The following TWIST2 variants were observed in gnomAD, a reference collection of about 807,000 sequenced individuals.
TWIST2 encodes the protein twist-related protein 2.
TWIST2 carries 1 observed loss-of-function variant against 11.6 expected under a neutral mutation model. The ratio of observed to expected loss-of-function variants is 0.09; its 90% CI spans 0.03 to 0.41. The LOEUF (loss-of-function observed/expected upper bound fraction) is 0.41, where lower values mean the gene tolerates loss of function less well. Among genes scored for constraint, TWIST2 ranks in the 10% least tolerant of loss-of-function variants. TWIST2 has a pLI of 0.98. For synonymous variants in TWIST2, 87 were observed against 96.6 expected (o/e 0.90, Z 0.58); for missense variants, 168 against 226.4 (o/e 0.74, Z 1.66).
intron 1 of TWIST2, among the ~76,000 whole-genome samples, chr2:238,869,221 C>A (rs537415897): frequency 6.6e-6 from 1 of 152,326 alleles, no homozygotes; most frequent in South Asian, 2.1e-4. Context: ...AGGGATTTCA[C>A]AAGCGGTGCT....
chr2:238,859,769 C>A (rs931334676), intron 1 of TWIST2, among the ~76,000 whole-genome samples: 4 of 152,126 alleles, frequency 2.6e-5, no homozygotes, highest in Non-Finnish European at 5.9e-5. Context: ...ACATCTAGTT[C>A]CTAATGTGTT....
At chr2:238,890,738 TCTTTA>T (rs1407771015) in intron 1 of TWIST2, among the ~76,000 whole-genome samples, 2 of 152,198 alleles carry the variant, frequency 1.3e-5, no homozygotes, top group African/African-American at 2.4e-5. Context: ...TTTCTGTATC[TCTTTA>T]CTTGACCCTT....
intron 1 of TWIST2, among the ~76,000 whole-genome samples, chr2:238,870,116 TAC>T (rs1229604415): frequency 3.3e-5 from 1 of 30,464 alleles, no homozygotes; most frequent in African/African-American, 1.6e-4. Flanking sequence ...AGACACACCA[TAC>T]ACCCCCCACA....
chr2:238,910,063 G>C lies in TWIST2; in HGVS notation c.*257G>C, dbSNP rs1275843885. 1 of 152,112 alleles carries C rather than the reference G, an allele frequency of 6.6e-6. No individual in the cohort carries two copies. Among genetic ancestry groups the C allele is most frequent in the Non-Finnish European group, 1.5e-5 (1 of 68,036 alleles). The allele number at this position is 152,112 out of a possible 1,614,324, so 9.4% of individuals were successfully genotyped here. Reference sequence around the variant, plus strand: ...GCCCTCTTGCTGGTGACATTGTCATGGTCATCTTGTTTCTGTTTGGATTTT... The same window carrying C: ...GCCCTCTTGCTGGTGACATTGTCATCGTCATCTTGTTTCTGTTTGGATTTT... On this transcript the variant is annotated 3_prime_UTR_variant, in exon 2 of 2. Transcript: ENST00000612363.
intron 1 of TWIST2, among the ~76,000 whole-genome samples, chr2:238,849,902 C>A (rs1400499501): frequency 6.6e-6 from 1 of 152,226 alleles, no homozygotes; most frequent in African/African-American, 2.4e-5. Flanking sequence ...AAAAATCCTT[C>A]CCCCTTAGTA....
intron 1 of TWIST2, among the ~76,000 whole-genome samples, chr2:238,903,171 T>G (rs1693298962): frequency 7.6e-6 from 1 of 131,588 alleles, no homozygotes; most frequent in Non-Finnish European, 1.6e-5. Context: ...AGGTGTGGGA[T>G]GTAGTTGTGT....
chr2:238,870,262 G>A (rs1196977440), intron 1 of TWIST2, among the ~76,000 whole-genome samples: 1 of 62 alleles, frequency 0.016, no homozygotes, highest in Admixed American at 0.071. Context: ...CCACACACAA[G>A]CCACACACCC....
chr2:238,870,408 ATAC>A (rs1692647546), intron 1 of TWIST2, among the ~76,000 whole-genome samples: 1 of 81,598 alleles, frequency 1.2e-5, no homozygotes. Context: ...CACACATCAC[ATAC>A]CACACACAAA....
At chr2:238,899,522 G>A (rs967738834) in intron 1 of TWIST2, among the ~76,000 whole-genome samples, 50 of 152,316 alleles carry the variant, frequency 3.3e-4, no homozygotes, top group African/African-American at 1.1e-3. Context: ...CTGCGCCACA[G>A]AGAGAGGCAG....
chr2:238,875,124 A>T (rs1241928305), intron 1 of TWIST2, among the ~76,000 whole-genome samples: 2 of 152,132 alleles, frequency 1.3e-5, no homozygotes, highest in Non-Finnish European at 2.9e-5. Flanking sequence ...AAATACATTC[A>T]TTCATTAGCT....
intron 1 of TWIST2, among the ~76,000 whole-genome samples, chr2:238,900,614 C>G (rs1693257314): frequency 1.3e-5 from 2 of 152,206 alleles, no homozygotes; most frequent in African/African-American, 4.8e-5. Context: ...TGCATTGCTT[C>G]TCTCGCTCTC....
intron 1 of TWIST2, among the ~76,000 whole-genome samples, chr2:238,858,517 T>C (rs932826793): frequency 6.6e-6 from 1 of 152,176 alleles, no homozygotes; most frequent in African/African-American, 2.4e-5. Flanking sequence ...GTCTTGTGTC[T>C]GGGGGATCCA....
At chr2:238,851,967 C>T (rs1692249166) in intron 1 of TWIST2, among the ~76,000 whole-genome samples, 1 of 152,124 alleles carries the variant, frequency 6.6e-6, no homozygotes, top group Non-Finnish European at 1.5e-5. Flanking sequence ...ATTCCTCAGA[C>T]TTCAGTGGCT....
intron 1 of TWIST2, among the ~76,000 whole-genome samples, chr2:238,850,005 TATTCTCCCAAA>T (rs1692217546): frequency 6.6e-6 from 1 of 152,346 alleles, no homozygotes; most frequent in Admixed American, 6.5e-5. Context: ...CCCGGCCGCC[TATTCTCCCAAA>T]CATATCTATT....
Position 238,863,810 on chromosome 2 carries a change from C to G in TWIST2, c.*35+15077C>G, listed in dbSNP as rs556892659. Among the ~76,000 whole-genome samples the G allele has an allele frequency of 1.3e-5, 2 of 152,100 alleles. No homozygotes were observed. Among genetic ancestry groups the G allele is most frequent in the Non-Finnish European group, 2.9e-5 (2 of 68,018 alleles). ...CGTTTTATTCACTTTTTACCAGGAT[C>G]AAAAATGAAAACCACGTGTCCCCCT... is the stretch of plus-strand genomic sequence containing the variant. On this transcript the variant is annotated intron_variant, in intron 1 of 1. Transcript: ENST00000612363. This position sits in a 1 kb window ranked among gnomAD's most constrained non-coding sequence, Gnocchi z 4.7.
chr2:238,890,041 C>T (rs1049939707), intron 1 of TWIST2, among the ~76,000 whole-genome samples: 4 of 152,202 alleles, frequency 2.6e-5, no homozygotes, highest in Admixed American at 6.5e-5. Context: ...GGGGAGCCTG[C>T]TCCCAGGGCT....
At chr2:238,856,898 G>A (rs1263341536) in intron 1 of TWIST2, among the ~76,000 whole-genome samples, 1 of 152,188 alleles carries the variant, frequency 6.6e-6, no homozygotes, top group East Asian at 1.9e-4. Context: ...CACTTGAAGA[G>A]GACCTCAGGT....
intron 1 of TWIST2, among the ~76,000 whole-genome samples, chr2:238,878,039 T>C (rs1303684125): frequency 6.6e-6 from 1 of 152,150 alleles, no homozygotes; most frequent in Non-Finnish European, 1.5e-5. Flanking sequence ...ACAATGGCCA[T>C]GAAGACGGTG....
intron 1 of TWIST2, among the ~76,000 whole-genome samples, chr2:238,881,047 TATTA>T (rs1692914361): frequency 1.1e-5 from 1 of 92,586 alleles, no homozygotes; most frequent in Non-Finnish European, 2.1e-5. Flanking sequence ...AGTTACTATT[TATTA>T]GTGTCAGTGT....
Sources: allele counts gnomAD v4.1 joint callset (sites outside exome capture counted in the v4.1 genomes callset), GRCh38; gene constraint gnomAD v4.1.1; non-coding constraint Gnocchi (gnomAD v3.1); transcripts MANE v1.5; gene names NCBI Gene and HGNC (gene_info 2026-07-23, HGNC 2026-07-21).